MEGF6: variants seen among roughly 807,000 people sequenced by gnomAD.
MEGF6 encodes multiple epidermal growth factor-like domains protein 6.
Under a neutral mutation model 207.1 loss-of-function variants are expected in MEGF6, and 184 were observed. That is an observed-to-expected ratio of 0.89 (90% CI 0.79 to 1.00). MEGF6 has a LOEUF of 1.00. Among genes scored for constraint, MEGF6 ranks in the 50% least tolerant of loss-of-function variants. The pLI, the probability that MEGF6 is intolerant of heterozygous loss-of-function variation, is 0.00. For missense variants in MEGF6, 2,282 were observed against 2,202.9 expected, an observed-to-expected ratio of 1.04 and a Z score of -0.72; for synonymous variants, 1,038 against 910.0, an observed-to-expected ratio of 1.14 and a Z score of -2.53.
At chr1:3,600,410 C>T (rs753406899) in intron 2 of MEGF6, among the ~76,000 whole-genome samples, 1 of 152,094 alleles carries the variant, frequency 6.6e-6, no homozygotes, top group Non-Finnish European at 1.5e-5. Context: ...ACTGGGGGCT[C>T]GAGGGCAAAT....
rs1428885353 is a variant in MEGF6, at chr1:3,499,813, C to A, written c.2819G>T (p.Gly940Val). 9 of 1,555,094 alleles carry A rather than the reference C, an allele frequency of 5.8e-6. No individual in the cohort carries two copies. The Admixed American group carries it at 1.5e-4, about 27-fold the overall frequency. ...TAGCTCACCATGCTCGCAGAAGGTG[C>A]CCCTCCAGCCGGCCGGGCAGGTGCA... ...GACTCPAGWR[G>V]TFCEHACPAG... Residue 940 changes from glycine (G) to valine (V), a missense_variant, in exon 22 of 37, where the codon GGC becomes GTC. Transcript: ENST00000356575.
At chr1:3,602,648 C>A (rs780233829) in intron 1 of MEGF6, 48 bp from the exon 2 acceptor site, 57 of 1,564,706 alleles carry the variant, frequency 3.6e-5, no homozygotes, top group South Asian at 3.1e-4. Flanking sequence ...CCCCAGCCGG[C>A]AACACCCACC....
At chr1:3,494,173 G>A (rs769122693) in intron 32 of MEGF6, 49 bp from the exon 33 acceptor site, 1 of 1,521,892 alleles carries the variant, frequency 6.6e-7, no homozygotes, top group South Asian at 1.3e-5. Context: ...TGGCAGAAAT[G>A]TCCAGTTTGC....
upstream of MEGF6, among the ~76,000 whole-genome samples, chr1:3,616,341 A>C (rs955933168): frequency 2.0e-5 from 3 of 152,142 alleles, no homozygotes; most frequent in African/African-American, 7.2e-5. Context: ...GAGCAAAGTC[A>C]TTGATGCTAA....
intron 4 of MEGF6, among the ~76,000 whole-genome samples, chr1:3,561,406 C>T (rs1643196651): frequency 6.6e-6 from 1 of 152,230 alleles, no homozygotes; most frequent in Non-Finnish European, 1.5e-5. Flanking sequence ...GTCACTAACA[C>T]TGTTTCCAGA....
chr1:3,512,218 AC>A (rs1641379196), intron 7 of MEGF6, 90 bp from the exon 8 acceptor site: 7 of 1,488,156 alleles, frequency 4.7e-6, no homozygotes, highest in African/African-American at 2.8e-5. Flanking sequence ...GCCTGCTGAC[AC>A]CCAGGGCCTG....
chr1:3,503,707 ATGTG>A (rs58666986), intron 17 of MEGF6, among the ~76,000 whole-genome samples: 18,681 of 141,026 alleles, frequency 0.13, 1,396 homozygotes, highest in East Asian at 0.42. Context: ...GTATGTGTGT[ATGTG>A]TGTGTAAGTG....
chr1:3,618,611 G>A, the MEGF6 span, among the ~76,000 whole-genome samples: 12 of 152,128 alleles, frequency 7.9e-5, no homozygotes, highest in Non-Finnish European at 1.6e-4. The surrounding 1 kb of genome is among the most constrained non-coding windows in gnomAD (Gnocchi z 4.7). Flanking sequence ...CTTCCCCGCC[G>A]GCAGGGAGAG....
chr1:3,529,680 G>A (rs1218345835), intron 4 of MEGF6, among the ~76,000 whole-genome samples: 1 of 152,322 alleles, frequency 6.6e-6, no homozygotes, highest in Admixed American at 6.5e-5. Context: ...ACCAGGCTGG[G>A]AGGTGGAGGA....
intron 9 of MEGF6, 105 bp downstream of exon 9, chr1:3,511,445 G>A: frequency 3.7e-6 from 5 of 1,354,660 alleles, no homozygotes; most frequent in Non-Finnish European, 4.9e-6. Flanking sequence ...GACTCAGGGA[G>A]ACTGACGAGG....
chr1:3,493,760 C>T lies in MEGF6; in HGVS notation c.4387+11G>A. The T allele has an allele frequency of 6.2e-7, 1 of 1,610,734 alleles. No homozygotes were observed. The highest frequency in any genetic ancestry group is 8.5e-7 in the Non-Finnish European group (1 of 1,178,482). ...CACCCACGCCCTTCCTGGGCAGGACCCCAGACTCACCCAGGTTACAGGTGG... is the reference window on the plus strand; with the variant it reads ...CACCCACGCCCTTCCTGGGCAGGACTCCAGACTCACCCAGGTTACAGGTGG... On this transcript the variant is annotated intron_variant, in intron 34 of 36. Transcript: ENST00000356575.
intron 2 of MEGF6, among the ~76,000 whole-genome samples, chr1:3,597,032 C>G (rs1222491020): frequency 6.6e-6 from 1 of 152,182 alleles, no homozygotes; most frequent in Non-Finnish European, 1.5e-5. Flanking sequence ...AGTGAAAGAC[C>G]CTTGGAGAGG....
chr1:3,508,078 A>G (rs1641186635), intron 13 of MEGF6, among the ~76,000 whole-genome samples, 155 bp from the exon 14 acceptor site: 1 of 152,104 alleles, frequency 6.6e-6, no homozygotes. Context: ...CATGGCAGAC[A>G]TCACTAATTG....
chr1:3,500,535 A>C, intron 21 of MEGF6, 98 bp downstream of exon 21: 1 of 1,437,738 alleles, frequency 7.0e-7, no homozygotes, highest in Non-Finnish European at 9.2e-7. Flanking sequence ...TGCGTGCAGG[A>C]GGGAGTACGG....
chr1:3,586,580 C>T (rs986108859), intron 3 of MEGF6, among the ~76,000 whole-genome samples: 14 of 152,188 alleles, frequency 9.2e-5, no homozygotes, highest in South Asian at 4.1e-4. Context: ...TTGTGAAGCC[C>T]GTGCTGTGTC....
chr1:3,620,509 AG>A, the MEGF6 span, among the ~76,000 whole-genome samples: 1 of 152,230 alleles, frequency 6.6e-6, no homozygotes, highest in Admixed American at 6.5e-5. Context: ...TAGATTTCAG[AG>A]GATGTATGGA....
intron 4 of MEGF6, among the ~76,000 whole-genome samples, chr1:3,539,473 G>A (rs1642446037): frequency 6.6e-6 from 1 of 152,136 alleles, no homozygotes; most frequent in Non-Finnish European, 1.5e-5. Context: ...GCCCTGCCAG[G>A]AGGGAATGGT....
intron 5 of MEGF6, among the ~76,000 whole-genome samples, chr1:3,521,790 G>A (rs2821070): frequency 2.6e-5 from 4 of 152,108 alleles, no homozygotes; most frequent in African/African-American, 7.2e-5. Context: ...TATCCCCCAC[G>A]CACAGCTCGC....
At chr1:3,531,442 A>G in intron 4 of MEGF6, 1 of 1,111,764 alleles carries the variant, frequency 9.0e-7, no homozygotes, top group Non-Finnish European at 1.1e-6. Context: ...CTCGCCTTTA[A>G]GTTCTCAGCT....
Sources: allele counts gnomAD v4.1 joint callset (sites outside exome capture counted in the v4.1 genomes callset), GRCh38; gene constraint gnomAD v4.1.1; non-coding constraint Gnocchi (gnomAD v3.1); transcripts MANE v1.5; gene names NCBI Gene and HGNC (gene_info 2026-07-23, HGNC 2026-07-21).